Variants in CDH22 observed in about 807,000 individuals in gnomAD.
CDH22 encodes cadherin-22.
A neutral mutation model predicts 58.4 loss-of-function variants in CDH22; 30 were observed. The ratio of observed to expected loss-of-function variants is 0.51; its 90% confidence interval spans 0.38 to 0.70. CDH22 has a LOEUF of 0.70. CDH22 is among the 30% of genes least tolerant of loss of function. The pLI is 0.00. For synonymous variants in CDH22, 513 were observed against 558.2 expected (o/e 0.92, Z 1.14); for missense variants, 1,014 against 1,233.9 (o/e 0.82, Z 2.67).
intron 1 of CDH22, among the ~76,000 whole-genome samples, chr20:46,304,926 C>A (rs959434767): frequency 1.3e-5 from 2 of 152,208 alleles, no homozygotes; most frequent in Non-Finnish European, 2.9e-5. Flanking sequence ...TCCAGGCAGG[C>A]ACAGCCTGTC....
At chr20:46,237,156 C>T (rs948652450) in intron 3 of CDH22, among the ~76,000 whole-genome samples, 2 of 152,196 alleles carry the variant, frequency 1.3e-5, no homozygotes, top group Non-Finnish European at 2.9e-5. Context: ...AATGAACCCT[C>T]TCAATGCTCA....
chr20:46,250,664 A>G (rs2086364883), intron 2 of CDH22, among the ~76,000 whole-genome samples: 1 of 152,224 alleles, frequency 6.6e-6, no homozygotes, highest in Non-Finnish European at 1.5e-5. Context: ...GTCAATGGAT[A>G]GAATCTGGGC....
At chr20:46,304,636 G>A (rs941947153) in intron 1 of CDH22, among the ~76,000 whole-genome samples, 1 of 152,246 alleles carries the variant, frequency 6.6e-6, no homozygotes, top group African/African-American at 2.4e-5. Flanking sequence ...GAAGGAGCCT[G>A]CTGATGGGGC....
At chr20:46,244,404 T>C (rs1220436246) in intron 2 of CDH22, among the ~76,000 whole-genome samples, 1 of 152,146 alleles carries the variant, frequency 6.6e-6, no homozygotes, top group African/African-American at 2.4e-5. Context: ...CCTGCCTGGG[T>C]CCCGGCTCCA....
At chr20:46,303,868 T>C (rs1202338966) in intron 1 of CDH22, among the ~76,000 whole-genome samples, 1 of 152,164 alleles carries the variant, frequency 6.6e-6, no homozygotes, top group Non-Finnish European at 1.5e-5. Flanking sequence ...CGATCCCACC[T>C]GCGTTAGAGA....
intron 5 of CDH22, among the ~76,000 whole-genome samples, chr20:46,214,586 C>G (rs972626646): frequency 3.3e-5 from 5 of 152,204 alleles, no homozygotes; most frequent in African/African-American, 1.2e-4. Flanking sequence ...CCAATCCCCA[C>G]TCCATCTCTA....
chr20:46,213,244 C>A lies in CDH22; in HGVS notation c.839-56G>T. 2.1e-6 allele frequency: 3 copies of A among 1,440,076 alleles called. No individual in the cohort carries two copies. The South Asian group carries it at 3.5e-5, about 17-fold the overall frequency. 89.2% of individuals were successfully genotyped at this position (1,440,076 alleles called of 1,614,324 possible). On this transcript the variant is annotated intron_variant, in intron 5 of 11. Transcript: ENST00000537909. Reference sequence around the variant, plus strand: ...AAGGCAGCCCCTTCCCCAGCCTCTGCCAGCAGTGGGGGAGGGGACAAGGGG... The same window carrying A: ...AAGGCAGCCCCTTCCCCAGCCTCTGACAGCAGTGGGGGAGGGGACAAGGGG...
intron 10 of CDH22, 25 bp downstream of exon 10, chr20:46,186,563 T>C: frequency 6.5e-7 from 1 of 1,529,908 alleles, no homozygotes; most frequent in Non-Finnish European, 9.0e-7. Flanking sequence ...CCTCCCTTCT[T>C]GCATCCTAGG....
At chr20:46,277,510 CTTTGT>C (rs1032359828) in intron 1 of CDH22, among the ~76,000 whole-genome samples, 3 of 151,994 alleles carry the variant, frequency 2.0e-5, no homozygotes, top group African/African-American at 7.3e-5. Flanking sequence ...CTCTATCGTT[CTTTGT>C]TTTAACTAAT....
At chr20:46,208,419 C>T (rs2086016057) in intron 7 of CDH22, among the ~76,000 whole-genome samples, 1 of 152,156 alleles carries the variant, frequency 6.6e-6, no homozygotes, top group Admixed American at 6.5e-5. Context: ...GTTTCCTCTC[C>T]AAGGTGCCCT....
intron 4 of CDH22, among the ~76,000 whole-genome samples, chr20:46,226,284 TTCTTCTTC>T (rs1391586666): frequency 3.8e-4 from 1 of 2,654 alleles, no homozygotes; most frequent in Non-Finnish European, 1.1e-3. Flanking sequence ...CTTCTTCTTC[TTCTTCTTC>T]TTTTTTTTTT....
chr20:46,216,811 G>T lies in CDH22; in HGVS notation c.838+15C>A. 1 of 1,585,624 alleles carries T rather than the reference G, an allele frequency of 6.3e-7. No individual in the cohort carries two copies. The highest frequency in any genetic ancestry group is 1.7e-4 in the Middle Eastern group (1 of 5,976). On this transcript the variant is annotated intron_variant, in intron 5 of 11. Transcript: ENST00000537909. This position sits in a 1 kb window ranked among gnomAD's most constrained non-coding sequence, Gnocchi z 5.3. ...GACACACAGACGCGCCTTCCTCTGGGAAGGCCTCACTCACTCTGCGGGAAA... is the reference window on the plus strand; with the variant it reads ...GACACACAGACGCGCCTTCCTCTGGTAAGGCCTCACTCACTCTGCGGGAAA...
intron 2 of CDH22, among the ~76,000 whole-genome samples, chr20:46,247,025 T>A (rs1416690067): frequency 1.5e-5 from 1 of 66,748 alleles, no homozygotes; most frequent in South Asian, 5.1e-4. Flanking sequence ...GGTTGGGGGG[T>A]GGGGTGGGCT....
At chr20:46,242,967 A>G in intron 2 of CDH22, among the ~76,000 whole-genome samples, 1 of 152,204 alleles carries the variant, frequency 6.6e-6, no homozygotes. Flanking sequence ...TCTTGCAATC[A>G]GAAACACCTA....
chr20:46,207,782 C>T (rs374163648), intron 7 of CDH22, among the ~76,000 whole-genome samples: 7 of 152,178 alleles, frequency 4.6e-5, no homozygotes, highest in African/African-American at 1.4e-4. Context: ...ACAAGCTGTT[C>T]GTCTGTCTGG....
chr20:46,174,676 A>G lies in CDH22; in HGVS notation c.2317T>C (p.Tyr773His). The G allele has an allele frequency of 6.4e-7, 1 of 1,560,294 alleles. No individual in the cohort carries two copies. The highest frequency in any genetic ancestry group is 8.6e-7 in the Non-Finnish European group (1 of 1,160,432). ...SVPPYDAFQT[Y>H]AFEGADSPAA... is the part of the protein sequence containing the mutation. ...GGCGAGTCCGCGCCCTCGAAGGCGT[A>G]GGTCTGGAAGGCGTCGTAGGGCGGC... is the stretch of plus-strand genomic sequence containing the variant. Residue 773 changes from tyrosine (Y) to histidine (H), a missense_variant, in exon 12 of 12, where the codon TAC (tyrosine) becomes CAC (histidine). Transcript: ENST00000537909. This position sits in a 1 kb window ranked among gnomAD's most constrained non-coding sequence, Gnocchi z 4.4.
At chr20:46,268,544 C>T (rs1293246800) in intron 1 of CDH22, among the ~76,000 whole-genome samples, 1 of 152,244 alleles carries the variant, frequency 6.6e-6, no homozygotes, top group Non-Finnish European at 1.5e-5. Flanking sequence ...CCCTCCCTCC[C>T]ACCACCCCGG....
intron 4 of CDH22, among the ~76,000 whole-genome samples, 159 bp downstream of exon 4, chr20:46,227,349 G>A (rs185451108): frequency 2.2e-3 from 330 of 151,972 alleles, no homozygotes; most frequent in Non-Finnish European, 4.2e-3. Context: ...CTCCCTCTCC[G>A]CGACCCTGGA....
intron 1 of CDH22, among the ~76,000 whole-genome samples, chr20:46,281,123 T>C (rs1394592933): frequency 6.6e-6 from 1 of 152,192 alleles, no homozygotes; most frequent in Admixed American, 6.5e-5. Context: ...TTTAGGGCAG[T>C]AGGGGGCCAT....
Sources: allele counts gnomAD v4.1 joint callset (sites outside exome capture counted in the v4.1 genomes callset), GRCh38; gene constraint gnomAD v4.1.1; non-coding constraint Gnocchi (gnomAD v3.1); transcripts MANE v1.5; gene names NCBI Gene and HGNC (gene_info 2026-07-23, HGNC 2026-07-21).